Variants in STMND1 observed in about 807,000 individuals in gnomAD.
STMND1 encodes the protein stathmin domain containing 1.
Under a neutral mutation model 23.0 loss-of-function variants are expected in STMND1, and 17 were observed. The ratio of observed to expected loss-of-function variants is 0.74; its 90% CI spans 0.51 to 1.11. STMND1 has a LOEUF of 1.11. Ranked by LOEUF, STMND1 falls within the 50% of genes least tolerant of loss-of-function variation. The probability of loss-of-function intolerance (pLI) is 0.00; values close to 1 mark genes in which losing one functional copy is unlikely to be tolerated. For synonymous variants in STMND1, 114 were observed against 119.9 expected, an observed-to-expected ratio of 0.95 and a Z score of 0.32; for missense variants, 305 against 329.1, an observed-to-expected ratio of 0.93 and a Z score of 0.57.
intron 2 of STMND1, among the ~76,000 whole-genome samples, chr6:17,118,889 C>T (rs4716113): frequency 0.32 from 47,951 of 152,006 alleles, 7,737 homozygotes; most frequent in Middle Eastern, 0.34. Context: ...GGGATAATAA[C>T]AGCACTCTCA....
chr6:17,118,247 C>CCAATGACATCAGAAAATGCT, intron 2 of STMND1, among the ~76,000 whole-genome samples: 1 of 152,100 alleles, frequency 6.6e-6, no homozygotes, highest in African/African-American at 2.4e-5. Flanking sequence ...TGAAGAGTTT[C>CCAATGACATCAGAAAATGCT]CAATGACATC....
chr6:17,107,082 T>C (rs1761034833), intron 1 of STMND1, among the ~76,000 whole-genome samples: 1 of 152,198 alleles, frequency 6.6e-6, no homozygotes. Flanking sequence ...AAATTACTTC[T>C]TAAAAATCAA....
intron 3 of STMND1, among the ~76,000 whole-genome samples, chr6:17,123,792 A>G (rs577022831): frequency 2.2e-4 from 34 of 152,322 alleles, no homozygotes; most frequent in African/African-American, 8.2e-4. Flanking sequence ...CTAAGATTAT[A>G]CTCAGGAAGC....
intron 1 of STMND1, among the ~76,000 whole-genome samples, chr6:17,107,332 C>A (rs938627354): frequency 6.6e-6 from 1 of 152,040 alleles, no homozygotes; most frequent in African/African-American, 2.4e-5. Flanking sequence ...AAAAGCAATA[C>A]CTTATTTGGA....
intron 1 of STMND1, among the ~76,000 whole-genome samples, chr6:17,104,154 C>T (rs761154074): frequency 6.6e-6 from 1 of 152,160 alleles, no homozygotes; most frequent in Non-Finnish European, 1.5e-5. Flanking sequence ...ATTCCCTCTT[C>T]CTGAGATGCC....
In STMND1 at chr6:17,129,132, A is replaced by G. The variant is rs1761349560; in HGVS notation, c.432A>G (p.Pro144=). ...TCCAGTTGACTACGACTGAGAAGCC[A>G]TTGAGAAAGCCACCTTCCAGACTGA... ...YDVTLTTTEK[P]LRKPPSRLKK... Residue 144 remains proline (P), a synonymous_variant, in exon 4 of 5, where the codon CCA becomes CCG. Coordinates refer to ENST00000536551, the MANE Select transcript of STMND1 (RefSeq NM_001190766.2). 2 of 1,535,840 alleles carry G rather than the reference A, an allele frequency of 1.3e-6. No individual in the cohort carries two copies. The highest frequency in any genetic ancestry group is 2.4e-5 in the East Asian group (1 of 40,922).
rs1254878884 is a variant in STMND1 at position 17,129,228 on chromosome 6, C to T, written c.528C>T (p.Ala176=). The change falls in exon 4 of 5, where the codon GCC becomes GCT. Residue 176 remains alanine, a synonymous_variant. Transcript: ENST00000536551. The part of the protein sequence containing the change: ...MKDIEEKMEA[A]EERRKTKEEE... ...ACATCGAGGAGAAGATGGAGGCTGC[C>T]GAGGAGCGCAGGAAGGTAGTGAGCT... is the stretch of plus-strand genomic sequence containing the variant. 8.5e-6 allele frequency: 13 copies of T among 1,535,824 alleles called. No homozygotes were observed. Among genetic ancestry groups the T allele is most frequent in the Non-Finnish European group, 1.0e-5 (12 of 1,146,792 alleles).
intron 2 of STMND1, among the ~76,000 whole-genome samples, chr6:17,115,372 T>TA (rs75171969): frequency 0.23 from 27,127 of 115,940 alleles, 3,071 homozygotes; most frequent in Middle Eastern, 0.38. Context: ...GGACCATCTT[T>TA]AAAAAAAAAA....
rs781030961 is a variant in STMND1 at position 17,102,265 on chromosome 6, G to T, written c.8G>T (p.Cys3Phe). The T allele has an allele frequency of 6.5e-7, 1 of 1,535,938 alleles. No homozygotes were observed. Among genetic ancestry groups the T allele is most frequent in the Non-Finnish European group, 8.7e-7 (1 of 1,146,804 alleles). Residue 3 changes from cysteine (C) to phenylalanine (F), a missense_variant, in exon 1 of 5, where the codon TGT (cysteine) becomes TTT (phenylalanine). Cys to Phe is a radical substitution (Grantham distance 205). Transcript: ENST00000536551. The part of the protein sequence containing the change: MG[C>F]GPSQPAEDRR... ...GGAGCGCGCGCGCGCAGCATGGGCT[G>T]TGGACCTTCCCAACCTGCTGAAGAC...
In STMND1 at chr6:17,120,703, G is replaced by C. The variant is rs771228750; in HGVS notation, c.356G>C (p.Gly119Ala). The change falls in exon 3 of 5, where the codon GGA (glycine) becomes GCA (alanine). Residue 119 changes from glycine (G) to alanine (A), a missense_variant. Transcript: ENST00000536551. ...SDILEELIVQ[G>A]IIQSHSKVFR... ...ATCCTGGAGGAACTAATTGTTCAAG[G>C]AATTATACAAAGCCACAGCAAAGTA... 4 of 1,535,382 alleles carry C rather than the reference G, an allele frequency of 2.6e-6. No homozygotes were observed. In the South Asian group the frequency reaches 4.8e-5, roughly 18 times the overall value.
chr6:17,129,354 T>A, intron 4 of STMND1, 111 bp downstream of exon 4: 1 of 1,028,558 alleles, frequency 9.7e-7, no homozygotes, highest in Non-Finnish European at 1.3e-6. Flanking sequence ...GGATCTATAA[T>A]CAGTATTTTT....
At position 17,129,156 on chromosome 6, in the gene STMND1, G is replaced by GA. The variant is rs1355290550; in HGVS notation, c.462dup (p.Leu155ThrfsTer29). ...CATTGAGAAAGCCACCTTCCAGACT[G>GA]AAAAAACTCAAGATCAAAAAGCAAG... is the stretch of plus-strand genomic sequence containing the variant. On this transcript the variant is annotated frameshift_variant, in exon 4 of 5. Coordinates refer to ENST00000536551, the MANE Select transcript of STMND1 (RefSeq NM_001190766.2). LOFTEE classifies it high-confidence loss of function. 3.3e-6 allele frequency: 5 copies of GA among 1,535,784 alleles called. No individual in the cohort carries two copies. In the African/African-American group the frequency reaches 5.5e-5, roughly 17 times the overall value.
chr6:17,130,090 G>A (rs1001116496), intron 4 of STMND1, among the ~76,000 whole-genome samples: 1 of 152,114 alleles, frequency 6.6e-6, no homozygotes, highest in African/African-American at 2.4e-5. Flanking sequence ...AAAGCAGGTT[G>A]GGTGAAAACT....
chr6:17,106,663 C>A (rs1358564836), intron 1 of STMND1, among the ~76,000 whole-genome samples: 1 of 152,180 alleles, frequency 6.6e-6, no homozygotes, highest in Non-Finnish European at 1.5e-5. Flanking sequence ...ATAATAATTT[C>A]TTTCACAGCT....
chr6:17,110,984 T>TA, intron 1 of STMND1: 2 of 404,692 alleles, frequency 4.9e-6, no homozygotes, highest in Middle Eastern at 7.6e-4. Context: ...GAAGACATGG[T>TA]AGTCAGGGGA....
At position 17,121,478 on chromosome 6, in the gene STMND1, T is replaced by C. The variant is rs1429825668; in HGVS notation, c.411+720T>C. 2.0e-5 allele frequency among the ~76,000 whole-genome samples: 3 copies of C among 152,218 alleles called. No homozygotes were observed. The East Asian group carries it at 5.8e-4, about 29-fold the overall frequency. Reference sequence around the variant, plus strand: ...GGCATTAGAAATGTAAAACTGAATCTGATTTATTCAGTAAGAAAATAGGCC... The same window carrying C: ...GGCATTAGAAATGTAAAACTGAATCCGATTTATTCAGTAAGAAAATAGGCC... On this transcript the variant is annotated intron_variant, in intron 3 of 4. Transcript: ENST00000536551.
Position 17,102,126 on chromosome 6 carries a change from C to A in STMND1, c.-132C>A. 1.1e-6 allele frequency: 1 copy of A among 879,066 alleles called. No homozygotes were observed. Among genetic ancestry groups the A allele is most frequent in the Non-Finnish European group, 1.6e-6 (1 of 643,664 alleles). The allele number at this position is 879,066 out of a possible 1,614,324, so 54.5% of individuals were successfully genotyped here. On this transcript the variant is annotated 5_prime_UTR_variant, in exon 1 of 5. Coordinates refer to ENST00000536551, the MANE Select transcript of STMND1 (RefSeq NM_001190766.2). ...CGGGAAGTGGGAGAGGCGGGTGGCG[C>A]CCGAGCGCAGTAGCAGGGGCGTAGG...
chr6:17,123,659 G>A (rs949368820), intron 3 of STMND1, among the ~76,000 whole-genome samples: 3 of 152,116 alleles, frequency 2.0e-5, no homozygotes, highest in African/African-American at 7.2e-5. Context: ...TCTACACAAC[G>A]CTCTCAAATC....
At chr6:17,115,927 C>T (rs910675999) in intron 2 of STMND1, among the ~76,000 whole-genome samples, 3 of 152,182 alleles carry the variant, frequency 2.0e-5, no homozygotes, top group Admixed American at 6.5e-5. Flanking sequence ...ATTTTCTATT[C>T]GCCCTCCCCT....
Sources: allele counts gnomAD v4.1 joint callset (sites outside exome capture counted in the v4.1 genomes callset), GRCh38; gene constraint gnomAD v4.1.1; transcripts MANE v1.5; gene names NCBI Gene and HGNC (gene_info 2026-07-23, HGNC 2026-07-21).